Variants in KIF16B observed in about 807,000 individuals in gnomAD.
KIF16B encodes kinesin-like protein KIF16B.
Under a neutral mutation model 156.3 loss-of-function variants are expected in KIF16B, and 98 were observed. The observed-to-expected ratio is 0.63, with a 90% CI of 0.53 to 0.74. The LOEUF (loss-of-function observed/expected upper bound fraction) is 0.74, where lower values mean the gene tolerates loss of function less well. KIF16B is among the 30% of genes least tolerant of loss of function. The probability of loss-of-function intolerance (pLI) is 0.00; values close to 1 mark genes in which losing one functional copy is unlikely to be tolerated. For synonymous variants in KIF16B, 564 were observed against 583.7 expected, an observed-to-expected ratio of 0.97 and a Z score of 0.49; for missense variants, 1,421 against 1,606.5, an observed-to-expected ratio of 0.88 and a Z score of 1.97.
At chr20:16,538,223 C>G (rs979367033) in intron 1 of KIF16B, among the ~76,000 whole-genome samples, 2 of 152,212 alleles carry the variant, frequency 1.3e-5, no homozygotes, top group Non-Finnish European at 2.9e-5. Flanking sequence ...AGGGCACCAC[C>G]CACAATCAGC....
intron 12 of KIF16B, among the ~76,000 whole-genome samples, chr20:16,432,612 TC>T (rs764916809): frequency 9.9e-5 from 15 of 152,156 alleles, no homozygotes; most frequent in East Asian, 3.8e-4. Context: ...ACAAGGGAAC[TC>T]CTGGGAGGTT....
At chr20:16,324,175 C>T (rs777304545) in intron 24 of KIF16B, among the ~76,000 whole-genome samples, 95 of 152,068 alleles carry the variant, frequency 6.2e-4, no homozygotes, top group Non-Finnish European at 1.1e-3. Context: ...ATGACAGGAA[C>T]CTGTCATTGT....
Position 16,480,206 on chromosome 20 carries a change from A to C in KIF16B, c.1302+14085T>G, listed in dbSNP as rs73597771. 1.0e-2 allele frequency among the ~76,000 whole-genome samples: 1,522 copies of C among 152,310 alleles called. 14 individuals carry two copies. Among genetic ancestry groups the C allele is most frequent in the East Asian group, 0.023 (117 of 5,188 alleles). On this transcript the variant is annotated intron_variant, in intron 12 of 25. Coordinates refer to ENST00000354981, the MANE Select transcript of KIF16B (RefSeq NM_024704.5). ...ATATTCAAAAAGGAAGAGTATTCCA[A>C]AACAAAAACCCAGAAACAAGGGACA...
At chr20:16,541,928 G>A (rs2070219180) in intron 1 of KIF16B, among the ~76,000 whole-genome samples, 1 of 152,236 alleles carries the variant, frequency 6.6e-6, no homozygotes, top group Non-Finnish European at 1.5e-5. Flanking sequence ...GGTGGAAAGA[G>A]CTGGCAGCTG....
intron 17 of KIF16B, among the ~76,000 whole-genome samples, chr20:16,396,216 T>C (rs1321177918): frequency 1.3e-5 from 2 of 152,092 alleles, no homozygotes; most frequent in Non-Finnish European, 2.9e-5. Flanking sequence ...ACAAGGGATC[T>C]AGGTTGCGCG....
At chr20:16,553,490 A>G (rs774778996) in intron 1 of KIF16B, among the ~76,000 whole-genome samples, 6 of 152,186 alleles carry the variant, frequency 3.9e-5, no homozygotes, top group African/African-American at 9.7e-5. Flanking sequence ...ATTGAGCCCA[A>G]TGGAGAGACA....
intron 1 of KIF16B, among the ~76,000 whole-genome samples, chr20:16,541,966 C>T (rs1250095374): frequency 1.3e-5 from 2 of 152,206 alleles, no homozygotes; most frequent in African/African-American, 4.8e-5. Flanking sequence ...GCTGCAGCAA[C>T]AAGCCCTCAA....
intron 1 of KIF16B, among the ~76,000 whole-genome samples, chr20:16,534,898 T>C (rs1426348395): frequency 1.3e-5 from 2 of 152,228 alleles, no homozygotes; most frequent in African/African-American, 4.8e-5. Context: ...TTTTGGTTAC[T>C]ACAGACTTTT....
intron 12 of KIF16B, among the ~76,000 whole-genome samples, chr20:16,444,828 C>T (rs1418555784): frequency 6.6e-6 from 1 of 152,196 alleles, no homozygotes; most frequent in South Asian, 2.1e-4. Flanking sequence ...CCTTTCAGTG[C>T]TAGCTGAGAG....
chr20:16,367,174 C>T, intron 22 of KIF16B: 1 of 1,606,404 alleles, frequency 6.2e-7, no homozygotes, highest in Non-Finnish European at 8.5e-7. Context: ...TGAGATTAGC[C>T]AAAGAGCCTC....
chr20:16,338,206 C>T (rs1601596312), intron 23 of KIF16B, among the ~76,000 whole-genome samples: 1 of 152,180 alleles, frequency 6.6e-6, no homozygotes, highest in Admixed American at 6.5e-5. Flanking sequence ...TGGCAATGCT[C>T]TCCAGCCGGG....
chr20:16,308,813 G>A lies in KIF16B; in HGVS notation c.3795+3522C>T, dbSNP rs113082285. Among the ~76,000 whole-genome samples the A allele has an allele frequency of 6.2e-3, 950 of 152,312 alleles. 19 individuals are homozygous for A. Among genetic ancestry groups the A allele is most frequent in the African/African-American group, 0.022 (900 of 41,552 alleles). Reference sequence around the variant, plus strand: ...TTTCTAATGGCTTGACCTAAGTTACGCTATCTCACTGAAAATACATTAAGA... The same window carrying A: ...TTTCTAATGGCTTGACCTAAGTTACACTATCTCACTGAAAATACATTAAGA... On this transcript the variant is annotated intron_variant, in intron 25 of 25. Coordinates refer to ENST00000354981, the MANE Select transcript of KIF16B (RefSeq NM_024704.5).
chr20:16,333,873 A>G (rs1376990875), intron 24 of KIF16B, among the ~76,000 whole-genome samples: 2 of 151,764 alleles, frequency 1.3e-5, no homozygotes, highest in African/African-American at 4.9e-5. Flanking sequence ...AGTGTGCCCA[A>G]CACCTTCTGC....
intron 12 of KIF16B, among the ~76,000 whole-genome samples, chr20:16,477,243 T>G (rs1343684949): frequency 1.3e-5 from 2 of 149,796 alleles, no homozygotes; most frequent in African/African-American, 4.9e-5. Context: ...CAGTGAGGAG[T>G]TTAGCCTGGA....
Position 16,515,674 on chromosome 20 carries a change from A to G in KIF16B, c.232-10T>C, listed in dbSNP as rs559292625. On this transcript the variant is annotated splice_polypyrimidine_tract_variant and intron_variant, in intron 3 of 25. Coordinates refer to ENST00000354981, the MANE Select transcript of KIF16B (RefSeq NM_024704.5). The stretch of plus-strand genomic sequence containing the variant: ...CGAGGGTTTTGAAAACCTGAAAGCC[A>G]AAAAGAACACACAAAAGATACAATT... 7.7e-6 allele frequency: 11 copies of G among 1,432,950 alleles called. No individual in the cohort carries two copies. Among genetic ancestry groups the G allele is most frequent in the Non-Finnish European group, 1.1e-5 (11 of 1,018,284 alleles). 88.8% of individuals were successfully genotyped at this position (1,432,950 alleles called of 1,614,324 possible). A position where few individuals can be genotyped will look rare whatever the true frequency, so the allele number is the denominator to read the frequency against.
intron 1 of KIF16B, among the ~76,000 whole-genome samples, chr20:16,555,728 GAAGGGAA>G (rs1301343096): frequency 6.6e-6 from 1 of 152,178 alleles, no homozygotes; most frequent in African/African-American, 2.4e-5. Context: ...AAAAGTCAGA[GAAGGGAA>G]AAGGGAAAAG....
intron 25 of KIF16B, among the ~76,000 whole-genome samples, chr20:16,298,635 T>C (rs1477051813): frequency 6.6e-6 from 1 of 152,138 alleles, no homozygotes; most frequent in Non-Finnish European, 1.5e-5. Flanking sequence ...AGTCACTGAA[T>C]GGCTTTAATA....
intron 23 of KIF16B, among the ~76,000 whole-genome samples, chr20:16,341,989 C>T (rs536924344): frequency 2.2e-4 from 33 of 152,236 alleles, no homozygotes; most frequent in Non-Finnish European, 3.7e-4. Flanking sequence ...GTCTTCTGAA[C>T]GGCCTCCTCA....
intron 24 of KIF16B, among the ~76,000 whole-genome samples, chr20:16,330,444 T>C (rs2093006): frequency 6.6e-6 from 1 of 152,250 alleles, no homozygotes; most frequent in Admixed American, 6.5e-5. Context: ...GTGCATTCTT[T>C]ACTGATCTTG....
Sources: gnomAD v4.1 joint callset for allele counts (sites outside exome capture counted in the v4.1 genomes callset) on GRCh38, gnomAD v4.1.1 for gene constraint, MANE v1.5 for transcripts, NCBI Gene and HGNC (gene_info 2026-07-23, HGNC 2026-07-21) for gene names.